The following ASIC2 variants were observed in gnomAD, a reference collection of about 807,000 sequenced individuals.
ASIC2 encodes the protein acid-sensing ion channel 2.
A neutral mutation model predicts 57.3 loss-of-function variants in ASIC2; 25 were observed. The observed-to-expected ratio is 0.44, with a 90% CI of 0.32 to 0.61. ASIC2 has a LOEUF of 0.61. Among genes scored for constraint, ASIC2 ranks in the 20% least tolerant of loss-of-function variants. The pLI, the probability that ASIC2 is intolerant of heterozygous loss-of-function variation, is 0.06. For synonymous variants in ASIC2, 319 were observed against 307.5 expected (o/e 1.04, Z -0.39); for missense variants, 641 against 738.1 (o/e 0.87, Z 1.52).
At chr17:33,724,879 C>T (rs568007659) in intron 1 of ASIC2, among the ~76,000 whole-genome samples, 2 of 152,248 alleles carry the variant, frequency 1.3e-5, no homozygotes, top group East Asian at 1.9e-4. Flanking sequence ...GGCTCCTTCC[C>T]GTTCATTTTT....
intron 1 of ASIC2, among the ~76,000 whole-genome samples, chr17:33,474,320 T>C (rs943997488): frequency 6.6e-6 from 1 of 152,056 alleles, no homozygotes; most frequent in African/African-American, 2.4e-5. Context: ...TGAGCTGAGA[T>C]TGCACCACTG....
At chr17:34,129,999 G>C (rs1911902980) in intron 1 of ASIC2, among the ~76,000 whole-genome samples, 1 of 152,192 alleles carries the variant, frequency 6.6e-6, no homozygotes, top group African/African-American at 2.4e-5. Flanking sequence ...CCAACAGCCA[G>C]GTGAGTCCAA....
chr17:33,272,962 G>A (rs919667836), intron 1 of ASIC2, among the ~76,000 whole-genome samples: 5 of 152,018 alleles, frequency 3.3e-5, no homozygotes, highest in South Asian at 4.1e-4. Context: ...CTCTCTCCAC[G>A]CCAGCCTCCT....
chr17:33,841,985 C>G (rs1420746769), intron 1 of ASIC2, among the ~76,000 whole-genome samples: 1 of 151,932 alleles, frequency 6.6e-6, no homozygotes, highest in Non-Finnish European at 1.5e-5. Context: ...ACCTTATGTA[C>G]GGTCCAGTGG....
In ASIC2 at chr17:33,292,246, G is replaced by T; in HGVS notation, c.-131C>A. On this transcript the variant is annotated 5_prime_UTR_variant, in exon 1 of 10. Transcript: ENST00000225823. ...GCCCGCGCCAGGGAAGCGTGCGCCC[G>T]AAAGGAGCTCCGGTGGCGCGGCATG... 1 of 994,622 alleles carries T rather than the reference G, an allele frequency of 1.0e-6. No homozygotes were observed. Among genetic ancestry groups the T allele is most frequent in the Admixed American group, 6.1e-5 (1 of 16,454 alleles). 61.6% of individuals were successfully genotyped at this position (994,622 alleles called of 1,614,324 possible).
chr17:33,127,943 C>T lies in ASIC2; in HGVS notation c.709-15876G>A, dbSNP rs1404205378. 2.0e-5 allele frequency among the ~76,000 whole-genome samples: 3 copies of T among 152,216 alleles called. No individual in the cohort carries two copies. In the East Asian group the frequency reaches 5.8e-4, roughly 29 times the overall value. On this transcript the variant is annotated intron_variant, in intron 1 of 9. Coordinates refer to ENST00000225823, the MANE Select transcript of ASIC2 (RefSeq NM_183377.2). ...GGCCCCACCCAATTCCTTCTAGCCT[C>T]TTCTCTCCTGCACTACATGAGTCAG...
chr17:33,283,578 A>T (rs777985208), intron 1 of ASIC2, among the ~76,000 whole-genome samples: 1 of 152,218 alleles, frequency 6.6e-6, no homozygotes, highest in African/African-American at 2.4e-5. Flanking sequence ...CCCTAAGAAC[A>T]TCTTCCAGGG....
chr17:34,133,615 G>A (rs1020268433), intron 1 of ASIC2, among the ~76,000 whole-genome samples: 5 of 152,222 alleles, frequency 3.3e-5, no homozygotes, highest in African/African-American at 1.2e-4. Context: ...CGTAGGGCCT[G>A]GCACCAGCAG....
At chr17:33,615,356 A>G (rs60550499) in intron 1 of ASIC2, among the ~76,000 whole-genome samples, 10,294 of 152,258 alleles carry the variant, frequency 0.068, 1,043 homozygotes, top group African/African-American at 0.22. Flanking sequence ...TAAAAAATCT[A>G]TTAAGTCCCC....
intron 1 of ASIC2, among the ~76,000 whole-genome samples, chr17:33,584,324 T>C (rs1177033711): frequency 2.0e-5 from 3 of 152,188 alleles, no homozygotes; most frequent in Admixed American, 6.5e-5. Flanking sequence ...GGAAGCTGGT[T>C]CTTAGAGTCT....
intron 1 of ASIC2, among the ~76,000 whole-genome samples, chr17:33,274,015 T>G (rs577510763): frequency 5.3e-5 from 8 of 152,130 alleles, no homozygotes; most frequent in Non-Finnish European, 1.0e-4. Context: ...GATAAGAAAC[T>G]GAGGTGCAGA....
chr17:33,405,303 C>T (rs1441379129), intron 1 of ASIC2, among the ~76,000 whole-genome samples: 1 of 151,902 alleles, frequency 6.6e-6, no homozygotes, highest in Non-Finnish European at 1.5e-5. Flanking sequence ...AAAAAAGGGA[C>T]AATAGGAATA....
chr17:33,044,730 T>C lies in ASIC2; in HGVS notation c.988-16338A>G, dbSNP rs548639551. The stretch of plus-strand genomic sequence containing the variant: ...TAGGAATTGAGGCTATGAAGATGAA[T>C]AAGATATGATTCCTACACCCATGGG... On this transcript the variant is annotated intron_variant, in intron 3 of 9. Coordinates refer to ENST00000225823, the MANE Select transcript of ASIC2 (RefSeq NM_183377.2). Among the ~76,000 whole-genome samples the C allele has an allele frequency of 4.5e-4, 69 of 152,276 alleles. 1 individual carries two copies. Among genetic ancestry groups the C allele is most frequent in the African/African-American group, 1.5e-3 (64 of 41,552 alleles).
At chr17:33,866,054 A>G (rs1362651517) in intron 1 of ASIC2, among the ~76,000 whole-genome samples, 1 of 152,190 alleles carries the variant, frequency 6.6e-6, no homozygotes, top group African/African-American at 2.4e-5. Flanking sequence ...ATTTTGTGAA[A>G]TCCAATTGTG....
intron 1 of ASIC2, among the ~76,000 whole-genome samples, chr17:33,430,054 C>T (rs770481746): frequency 2.6e-5 from 4 of 152,126 alleles, no homozygotes; most frequent in Non-Finnish European, 5.9e-5. Context: ...TTGTACTAGC[C>T]TAGTGTTTTC....
intron 1 of ASIC2, among the ~76,000 whole-genome samples, chr17:33,391,723 T>A (rs1467720368): frequency 1.3e-5 from 2 of 152,228 alleles, no homozygotes; most frequent in Non-Finnish European, 2.9e-5. Flanking sequence ...CATGTCAATG[T>A]TAATCATATA....
intron 1 of ASIC2, among the ~76,000 whole-genome samples, chr17:33,667,766 C>G (rs958740153): frequency 1.3e-5 from 2 of 152,222 alleles, no homozygotes; most frequent in African/African-American, 4.8e-5. Flanking sequence ...CAAGGGTTCA[C>G]TGGGGCTCAC....
At chr17:33,109,235 T>G (rs139719216) in intron 2 of ASIC2, among the ~76,000 whole-genome samples, 1 of 152,180 alleles carries the variant, frequency 6.6e-6, no homozygotes, top group Non-Finnish European at 1.5e-5. Context: ...TCCCCCAAAA[T>G]CTATTGAAAT....
chr17:33,411,197 G>A (rs1414833698), intron 1 of ASIC2, among the ~76,000 whole-genome samples: 1 of 152,196 alleles, frequency 6.6e-6, no homozygotes, highest in Non-Finnish European at 1.5e-5. Context: ...GTCTGAGCTA[G>A]TGTGTGTGGT....
Sources: allele counts gnomAD v4.1 joint callset (sites outside exome capture counted in the v4.1 genomes callset), GRCh38; gene constraint gnomAD v4.1.1; transcripts MANE v1.5; gene names NCBI Gene and HGNC (gene_info 2026-07-23, HGNC 2026-07-21).